SREBF2: variants seen among roughly 807,000 people sequenced by gnomAD.
The protein encoded by SREBF2 is sterol regulatory element binding transcription factor 2.
In SREBF2, 55 loss-of-function variants were observed where a neutral mutation model predicts 113.1. The ratio of observed to expected loss-of-function variants is 0.49; its 90% confidence interval spans 0.39 to 0.61. SREBF2 has a LOEUF of 0.61. Among genes scored for constraint, SREBF2 ranks in the 20% least tolerant of loss-of-function variants. The pLI is 0.00. For synonymous variants in SREBF2, 593 were observed against 605.7 expected (o/e 0.98, Z 0.31); for missense variants, 1,349 against 1,487.4 (o/e 0.91, Z 1.53).
intron 17 of SREBF2, among the ~76,000 whole-genome samples, chr22:41,903,952 A>AG (rs1451310840): frequency 6.6e-6 from 1 of 152,194 alleles, no homozygotes; most frequent in African/African-American, 2.4e-5. Flanking sequence ...TGTGGAGAAG[A>AG]GGGCATGTAC....
chr22:41,874,099 C>T, intron 5 of SREBF2, 80 bp downstream of exon 5: 2 of 1,472,720 alleles, frequency 1.4e-6, no homozygotes. Flanking sequence ...TAGAGAAGTC[C>T]CAGGCTCAAG....
At position 41,906,198 on chromosome 22, in the gene SREBF2, TG is replaced by T. The variant is rs1335417806; in HGVS notation, c.*541del. 2 of 354,254 alleles carry T rather than the reference TG, an allele frequency of 5.6e-6. No individual in the cohort carries two copies. The highest frequency in any genetic ancestry group is 1.1e-5 in the Non-Finnish European group (2 of 180,522). The allele number at this position is 354,254 out of a possible 1,614,324, so 21.9% of individuals were successfully genotyped here. A position where few individuals can be genotyped will look rare whatever the true frequency, so the allele number is the denominator to read the frequency against. ...CTCCCTGGGTCTGCGTTCCCTCCCC[TG>T]GGCCTGACTGAGCCTGCTCATTGTT... On this transcript the variant is annotated 3_prime_UTR_variant, in exon 19 of 19. Transcript: ENST00000361204.
chr22:41,849,966 A>G (rs6519293), intron 1 of SREBF2, among the ~76,000 whole-genome samples: 111,586 of 151,118 alleles, frequency 0.74, 41,586 homozygotes, highest in African/African-American at 0.82. Flanking sequence ...GTGAAACCCC[A>G]TCTCTGTTAA....
At chr22:41,880,453 A>G (rs2077234711) in intron 9 of SREBF2, among the ~76,000 whole-genome samples, 1 of 151,874 alleles carries the variant, frequency 6.6e-6, no homozygotes, top group Non-Finnish European at 1.5e-5. Context: ...GCATTTGCTC[A>G]TAGAACAAAC....
chr22:41,904,364 T>C (rs2077487878), intron 17 of SREBF2, among the ~76,000 whole-genome samples: 1 of 152,174 alleles, frequency 6.6e-6, no homozygotes, highest in Admixed American at 6.5e-5. Flanking sequence ...AGCCTTGCCC[T>C]TCACCCACCA....
intron 16 of SREBF2, 115 bp from the exon 17 acceptor site, chr22:41,902,855 C>T: frequency 1.7e-6 from 2 of 1,193,314 alleles, no homozygotes; most frequent in Admixed American, 4.0e-5. Context: ...GGGCTCTCCA[C>T]TTCCTCCCAG....
At chr22:41,868,296 C>T (rs760860791) in intron 2 of SREBF2, among the ~76,000 whole-genome samples, 9 of 152,126 alleles carry the variant, frequency 5.9e-5, no homozygotes, top group Non-Finnish European at 1.2e-4. Context: ...AAAATGAAGC[C>T]CCAGGGAGTT....
At chr22:41,876,566 G>T (rs1368699456) in intron 7 of SREBF2, among the ~76,000 whole-genome samples, 1 of 152,168 alleles carries the variant, frequency 6.6e-6, no homozygotes, top group Non-Finnish European at 1.5e-5. Flanking sequence ...GGGAGATCTG[G>T]CTTCAGCCCT....
At chr22:41,887,262 C>T (rs1481317744) in intron 11 of SREBF2, among the ~76,000 whole-genome samples, 1 of 151,910 alleles carries the variant, frequency 6.6e-6, no homozygotes, top group Non-Finnish European at 1.5e-5. Context: ...AAAAAGTATA[C>T]AAATCATAAA....
At chr22:41,875,302 G>C (rs1230593403) in intron 5 of SREBF2, 35 bp from the exon 6 acceptor site, 1 of 1,566,400 alleles carries the variant, frequency 6.4e-7, no homozygotes, top group Admixed American at 1.7e-5. Flanking sequence ...AGCCTGCACT[G>C]GTCTCACTGT....
chr22:41,840,258 C>T (rs139983858), intron 1 of SREBF2, among the ~76,000 whole-genome samples: 1 of 152,254 alleles, frequency 6.6e-6, no homozygotes, highest in Non-Finnish European at 1.5e-5. Flanking sequence ...GCGCCCGGCC[C>T]ACATGCTTAG....
At chr22:41,861,037 A>T (rs2077022176) in intron 1 of SREBF2, among the ~76,000 whole-genome samples, 1 of 152,160 alleles carries the variant, frequency 6.6e-6, no homozygotes, top group Non-Finnish European at 1.5e-5. Context: ...GTTGACACTG[A>T]ATGTTCTTCA....
intron 12 of SREBF2, 112 bp from the exon 13 acceptor site, chr22:41,894,708 G>A: frequency 1.1e-6 from 1 of 896,492 alleles, no homozygotes; most frequent in Non-Finnish European, 1.9e-6. Context: ...TGGAGAAGGG[G>A]CATCTGATCC....
rs767591288 is a variant in SREBF2 at position 41,897,082 on chromosome 22, A to G, written c.2526A>G (p.Lys842=). The change falls in exon 14 of 19, where the codon AAA becomes AAG. Residue 842 remains lysine (K), a synonymous_variant. Transcript: ENST00000361204. The part of the protein sequence containing the change: ...CEFSSALEYL[K]LLHSFVDSVG... ...TCTCCAGTGCTCTGGAGTACTTGAA[A>G]TTACTTCATTCTTTTGTGGACTCTG... The G allele has an allele frequency of 6.2e-7, 1 of 1,613,280 alleles. No individual in the cohort carries two copies.
At chr22:41,865,513 T>C (rs1036584449) in intron 1 of SREBF2, among the ~76,000 whole-genome samples, 14 of 152,204 alleles carry the variant, frequency 9.2e-5, no homozygotes, top group African/African-American at 2.9e-4. Flanking sequence ...GTGGGTTAAG[T>C]TGGGTTTTGG....
intron 1 of SREBF2, among the ~76,000 whole-genome samples, chr22:41,861,931 AATT>A (rs2077030933): frequency 6.6e-6 from 1 of 152,178 alleles, no homozygotes; most frequent in Admixed American, 6.5e-5. Flanking sequence ...AAAAAAAAAA[AATT>A]ATTAAAAACA....
At chr22:41,862,494 C>G (rs1407662387) in intron 1 of SREBF2, among the ~76,000 whole-genome samples, 3 of 152,156 alleles carry the variant, frequency 2.0e-5, no homozygotes, top group African/African-American at 7.2e-5. Context: ...TGTGGCCTGC[C>G]GTAGGAACTG....
At chr22:41,868,304 G>A (rs886447749) in intron 2 of SREBF2, among the ~76,000 whole-genome samples, 21 of 152,168 alleles carry the variant, frequency 1.4e-4, no homozygotes, top group African/African-American at 5.1e-4. Flanking sequence ...GCCCCAGGGA[G>A]TTGTTGATTC....
At chr22:41,896,985 G>C in intron 13 of SREBF2, 67 bp from the exon 14 acceptor site, 1 of 1,131,720 alleles carries the variant, frequency 8.8e-7, no homozygotes. Flanking sequence ...GAGCTGAACA[G>C]CTAGGCCATG....
Sources: allele counts gnomAD v4.1 joint callset (sites outside exome capture counted in the v4.1 genomes callset), GRCh38; gene constraint gnomAD v4.1.1; transcripts MANE v1.5; gene names NCBI Gene and HGNC (gene_info 2026-07-23, HGNC 2026-07-21).